The following DMD variants were observed in gnomAD, a reference collection of about 807,000 sequenced individuals.
The protein encoded by DMD is mutant dystrophin.
A neutral mutation model predicts 330.1 loss-of-function variants in DMD; 63 were observed. That is an observed-to-expected ratio of 0.19 (90% confidence interval 0.16 to 0.24). The LOEUF is 0.24. Among genes scored for constraint, DMD ranks in the 10% least tolerant of loss-of-function variants. The pLI is 1.00. For missense variants in DMD, 3,344 were observed against 2,684.1 expected (o/e 1.25, Z -5.43); for synonymous variants, 1,223 against 959.8 (o/e 1.27, Z -5.07).
intron 55 of DMD, among the ~76,000 whole-genome samples, chrX:31,593,796 T>C (rs910556111): frequency 9.1e-6 from 1 of 110,246 alleles, no homozygotes; most frequent in African/African-American, 3.3e-5. Context: ...GTGAAAAAAA[T>C]AAAACGTTTG....
chrX:31,851,830 T>C (rs904588480), intron 48 of DMD, among the ~76,000 whole-genome samples: 1 of 111,052 alleles, frequency 9.0e-6, no homozygotes, highest in African/African-American at 3.3e-5. Context: ...GGAGGTGGCA[T>C]GTGGAGAGTT....
intron 43 of DMD, among the ~76,000 whole-genome samples, chrX:32,256,870 G>A (rs1340473142): frequency 9.0e-6 from 1 of 111,727 alleles, no homozygotes; most frequent in African/African-American, 3.3e-5. Context: ...TAGGGTTTCT[G>A]CAGAGTGATC....
chrX:32,381,915 C>A (rs1603632154), intron 33 of DMD, among the ~76,000 whole-genome samples: 1 of 110,924 alleles, frequency 9.0e-6, no homozygotes, highest in Non-Finnish European at 1.9e-5. Flanking sequence ...ACGTAGTGGA[C>A]TCTCGACTTG....
chrX:31,346,044 C>A (rs2148473875), intron 61 of DMD, among the ~76,000 whole-genome samples: 1 of 110,635 alleles, frequency 9.0e-6, no homozygotes, highest in East Asian at 2.8e-4. Context: ...TTTTTATTAA[C>A]CCGTGGAGAA....
chrX:32,680,202 G>A (rs1161982938), intron 9 of DMD, among the ~76,000 whole-genome samples: 1 of 110,113 alleles, frequency 9.1e-6, no homozygotes. Flanking sequence ...ATGAGCCACC[G>A]TGCCTGGCCT....
At chrX:32,769,625 G>T (rs1234765004) in intron 7 of DMD, among the ~76,000 whole-genome samples, 2 of 111,824 alleles carry the variant, frequency 1.8e-5, no homozygotes, top group Non-Finnish European at 3.8e-5. Flanking sequence ...TGTTTCTGAT[G>T]ATTTAAATAA....
rs917207029 is a variant in DMD, at chrX:31,877,512, C to T, written c.6913-2139G>A. ...CACACTTCTTGCCTCTCATTCCTGGCAGCCTTTCCCTGTGTGGGTGAGAGT... is the reference window on the plus strand; with the variant it reads ...CACACTTCTTGCCTCTCATTCCTGGTAGCCTTTCCCTGTGTGGGTGAGAGT... On this transcript the variant is annotated intron_variant, in intron 47 of 78. Transcript: ENST00000357033. Among the ~76,000 whole-genome samples, 3 of 112,200 alleles carry T rather than the reference C, an allele frequency of 2.7e-5. No individual in the cohort carries two copies. In the Admixed American group the frequency reaches 2.8e-4, roughly 11 times the overall value.
At chrX:32,697,777 A>C in intron 9 of DMD, 93 bp downstream of exon 9, 1 of 1,133,947 alleles carries the variant, frequency 8.8e-7, no homozygotes, top group Non-Finnish European at 1.2e-6. Flanking sequence ...AGGAGATAAA[A>C]GGCACTGAAA....
intron 13 of DMD, among the ~76,000 whole-genome samples, chrX:32,587,332 A>G (rs1414149682): frequency 1.8e-5 from 2 of 111,749 alleles, no homozygotes; most frequent in Non-Finnish European, 3.8e-5. Context: ...AAAACTATTA[A>G]CGACACTAAC....
intron 7 of DMD, among the ~76,000 whole-genome samples, chrX:32,772,227 T>C (rs749034046): frequency 1.8e-5 from 2 of 112,842 alleles, no homozygotes; most frequent in African/African-American, 6.4e-5. Flanking sequence ...TATTAATTCA[T>C]GACATATTCT....
chrX:32,307,151 C>A (rs886096762), intron 42 of DMD, among the ~76,000 whole-genome samples: 8 of 110,975 alleles, frequency 7.2e-5, no homozygotes, highest in Admixed American at 5.8e-4. Context: ...GATTCGAAGA[C>A]AAGGGATGTC....
At chrX:32,651,605 G>A (rs1386958943) in intron 9 of DMD, among the ~76,000 whole-genome samples, 1 of 111,632 alleles carries the variant, frequency 9.0e-6, no homozygotes, top group South Asian at 3.7e-4. Context: ...CACAGACACT[G>A]ATATCACACT....
intron 27 of DMD, 37 bp from the exon 28 acceptor site, chrX:32,441,351 G>A (rs749925809): frequency 8.5e-7 from 1 of 1,170,767 alleles, no homozygotes; most frequent in East Asian, 3.0e-5. Context: ...TAAATATTAT[G>A]GTAGAAAAGT....
intron 60 of DMD, among the ~76,000 whole-genome samples, chrX:31,402,994 G>A (rs1206587905): frequency 9.0e-6 from 1 of 111,645 alleles, no homozygotes; most frequent in Non-Finnish European, 1.9e-5. Flanking sequence ...CAAGAAAATA[G>A]GGCATCGATA....
chrX:33,128,077 G>A, intron 1 of DMD: 1 of 1,182,304 alleles, frequency 8.5e-7, no homozygotes, highest in Non-Finnish European at 1.1e-6. Context: ...AGGGAAGCCT[G>A]CTTCTGAATG....
At chrX:32,300,511 A>C (rs966312008) in intron 42 of DMD, among the ~76,000 whole-genome samples, 5 of 111,891 alleles carry the variant, frequency 4.5e-5, no homozygotes, top group South Asian at 3.7e-4. Context: ...TACTGATCCA[A>C]GTGTTTCTCA....
chrX:33,223,900 T>C (rs1302557436), intron 1 of DMD, among the ~76,000 whole-genome samples: 3 of 112,013 alleles, frequency 2.7e-5, no homozygotes, highest in African/African-American at 9.7e-5. Context: ...AACAAACAAC[T>C]CTATTTTAAA....
At chrX:31,199,103 G>A (rs900236425) in intron 67 of DMD, among the ~76,000 whole-genome samples, 13 of 111,852 alleles carry the variant, frequency 1.2e-4, no homozygotes, top group African/African-American at 4.2e-4. Context: ...AAAAAGGAGA[G>A]GTGCAGAAAA....
intron 1 of DMD, among the ~76,000 whole-genome samples, chrX:33,079,346 C>T: frequency 9.0e-6 from 1 of 111,602 alleles, no homozygotes; most frequent in African/African-American, 3.3e-5. Context: ...AAAAATGAGA[C>T]AACAATTGCC....
Sources: gnomAD v4.1 joint callset for allele counts (sites outside exome capture counted in the v4.1 genomes callset) on GRCh38, gnomAD v4.1.1 for gene constraint, MANE v1.5 for transcripts, NCBI Gene and HGNC (gene_info 2026-07-23, HGNC 2026-07-21) for gene names.